The following PRKCB variants were observed in gnomAD, a reference collection of about 807,000 sequenced individuals.
PRKCB encodes the protein protein kinase C beta, also known as protein kinase C beta type.
Under a neutral mutation model 81.5 loss-of-function variants are expected in PRKCB, and 13 were observed. That is an observed-to-expected ratio of 0.16 (90% CI 0.10 to 0.25). The LOEUF (loss-of-function observed/expected upper bound fraction) is 0.25, where lower values mean the gene tolerates loss of function less well. Ranked by LOEUF, PRKCB falls within the 10% of genes least tolerant of loss-of-function variation. The pLI, the probability that PRKCB is intolerant of heterozygous loss-of-function variation, is 1.00. For synonymous variants in PRKCB, 335 were observed against 321.4 expected (o/e 1.04, Z -0.45); for missense variants, 509 against 875.7 (o/e 0.58, Z 5.29).
In PRKCB at chr16:24,218,465, T is replaced by C; in HGVS notation, c.*3649T>C. ...CCATCAGCATCTTAGCCTGCCCCAC[T>C]CTAGCCACACATACCCACGTGTGCT... is the stretch of plus-strand genomic sequence containing the variant. On this transcript the variant is annotated 3_prime_UTR_variant, in exon 17 of 17. Transcript: ENST00000643927. 1 of 985,340 alleles carries C rather than the reference T, an allele frequency of 1.0e-6. No individual in the cohort carries two copies. Among genetic ancestry groups the C allele is most frequent in the Non-Finnish European group, 1.2e-6 (1 of 829,952 alleles). The allele number at this position is 985,340 out of a possible 1,614,324, so 61.0% of individuals were successfully genotyped here.
chr16:24,202,724 TC>T (rs1396788473), intron 16 of PRKCB, among the ~76,000 whole-genome samples: 2 of 152,206 alleles, frequency 1.3e-5, no homozygotes, highest in Non-Finnish European at 2.9e-5. Context: ...CTTGCATTAT[TC>T]CCCTCTGTCT....
chr16:24,193,480 T>TAAATAAATA (rs1487260989), intron 16 of PRKCB, among the ~76,000 whole-genome samples: 5 of 149,300 alleles, frequency 3.3e-5, no homozygotes, highest in African/African-American at 7.4e-5. Context: ...AATAAATAAA[T>TAAATAAATA]AAATAAATAA....
chr16:23,891,493 T>C (rs991899205), intron 2 of PRKCB, among the ~76,000 whole-genome samples: 18 of 152,138 alleles, frequency 1.2e-4, no homozygotes, highest in Non-Finnish European at 2.5e-4. Context: ...ACAAATATTT[T>C]TGAAAATAAT....
intron 2 of PRKCB, among the ~76,000 whole-genome samples, chr16:23,843,317 G>C (rs1020005881): frequency 6.6e-6 from 1 of 152,116 alleles, no homozygotes; most frequent in Non-Finnish European, 1.5e-5. Context: ...CCCAGAAGCA[G>C]ACCCCAGAGA....
At chr16:24,003,386 G>GT (rs35881842) in intron 3 of PRKCB, among the ~76,000 whole-genome samples, 1,629 of 130,822 alleles carry the variant, frequency 0.012, 25 homozygotes, top group African/African-American at 0.039. Flanking sequence ...TCCTGCATTC[G>GT]TTTTTTTTTT....
At chr16:23,871,702 C>T (rs1408169572) in intron 2 of PRKCB, among the ~76,000 whole-genome samples, 2 of 151,876 alleles carry the variant, frequency 1.3e-5, no homozygotes, top group Non-Finnish European at 2.9e-5. Context: ...TTCAGCCACC[C>T]GAGTAGTTGT....
intron 2 of PRKCB, among the ~76,000 whole-genome samples, chr16:23,880,251 C>T (rs1475745595): frequency 6.6e-6 from 1 of 152,082 alleles, no homozygotes; most frequent in Non-Finnish European, 1.5e-5. Context: ...CTCTTTCCTC[C>T]TAGTATTAGC....
rs1963834417 is a variant in PRKCB at position 23,922,119 on chromosome 16, A to G, written c.206-66389A>G. On this transcript the variant is annotated intron_variant, in intron 2 of 16. Coordinates refer to ENST00000643927, the MANE Select transcript of PRKCB (RefSeq NM_002738.7). ...TGAATTCCAGCATGTTTAGAAGGAC[A>G]TTGGCTGATAAAAATGACGTCTTAA... 3.9e-5 allele frequency among the ~76,000 whole-genome samples: 6 copies of G among 152,336 alleles called. No homozygotes were observed. The South Asian group carries it at 1.2e-3, about 32-fold the overall frequency.
At chr16:23,980,966 G>A (rs898006519) in intron 2 of PRKCB, among the ~76,000 whole-genome samples, 1 of 151,964 alleles carries the variant, frequency 6.6e-6, no homozygotes, top group African/African-American at 2.4e-5. Context: ...GAGGGCCCCT[G>A]TCACCCAAGC....
chr16:24,054,388 A>G (rs1965880327), intron 5 of PRKCB, among the ~76,000 whole-genome samples: 1 of 152,200 alleles, frequency 6.6e-6, no homozygotes, highest in Admixed American at 6.5e-5. Flanking sequence ...TTTACTCCCT[A>G]TGAGATGTGA....
chr16:23,939,361 CT>C (rs1567320343), intron 2 of PRKCB, among the ~76,000 whole-genome samples: 1 of 152,114 alleles, frequency 6.6e-6, no homozygotes, highest in East Asian at 1.9e-4. Flanking sequence ...AACAAAATTA[CT>C]TTGTAGATAT....
intron 2 of PRKCB, among the ~76,000 whole-genome samples, chr16:23,882,750 C>CT (rs61020074): frequency 2.7e-4 from 28 of 105,194 alleles, no homozygotes; most frequent in Admixed American, 6.9e-4. Flanking sequence ...ATACAAATAT[C>CT]TTTTTTTTTT....
intron 2 of PRKCB, among the ~76,000 whole-genome samples, chr16:23,960,301 A>G (rs891043101): frequency 1.3e-5 from 2 of 152,156 alleles, no homozygotes; most frequent in African/African-American, 4.8e-5. Context: ...TGGTATCTTC[A>G]GAACACTTCC....
intron 2 of PRKCB, among the ~76,000 whole-genome samples, chr16:23,864,872 A>C (rs1312649471): frequency 6.6e-6 from 1 of 150,810 alleles, no homozygotes; most frequent in African/African-American, 2.4e-5. Context: ...TAGTTTTTTG[A>C]CCCCCTTCCC....
At chr16:23,984,791 T>C (rs891572951) in intron 2 of PRKCB, among the ~76,000 whole-genome samples, 4 of 152,192 alleles carry the variant, frequency 2.6e-5, no homozygotes, top group African/African-American at 7.2e-5. Context: ...TGAAAAACTT[T>C]CCTGTGTGGT....
chr16:24,122,665 G>T (rs550120619), intron 8 of PRKCB, among the ~76,000 whole-genome samples: 23 of 152,146 alleles, frequency 1.5e-4, no homozygotes, highest in African/African-American at 5.3e-4. Flanking sequence ...TTGTTATGTT[G>T]CCCAGGCTGT....
At chr16:23,872,254 T>A (rs1195521260) in intron 2 of PRKCB, among the ~76,000 whole-genome samples, 1 of 152,214 alleles carries the variant, frequency 6.6e-6, no homozygotes, top group Non-Finnish European at 1.5e-5. Context: ...TCTGTTGGAG[T>A]CACAAGTTGT....
At chr16:23,951,600 T>TTTG (rs1964285189) in intron 2 of PRKCB, among the ~76,000 whole-genome samples, 1 of 86,052 alleles carries the variant, frequency 1.2e-5, no homozygotes, top group African/African-American at 4.1e-5. Flanking sequence ...TTTTTTTTTG[T>TTTG]AGAGACAGGG....
intron 7 of PRKCB, among the ~76,000 whole-genome samples, chr16:24,095,345 G>A (rs1482699732): frequency 6.6e-6 from 1 of 152,142 alleles, no homozygotes; most frequent in Admixed American, 6.5e-5. Context: ...TAGGGAATGG[G>A]TGCTGCTGAC....
Sources: gnomAD v4.1 joint callset for allele counts (sites outside exome capture counted in the v4.1 genomes callset) on GRCh38, gnomAD v4.1.1 for gene constraint, MANE v1.5 for transcripts, NCBI Gene and HGNC (gene_info 2026-07-23, HGNC 2026-07-21) for gene names.